The following ZNF451 variants were observed in gnomAD, a reference collection of about 807,000 sequenced individuals.
ZNF451 encodes E3 SUMO-protein ligase ZNF451.
A neutral mutation model predicts 107.1 loss-of-function variants in ZNF451; 80 were observed. The observed-to-expected ratio is 0.75, with a 90% CI of 0.62 to 0.90. The LOEUF (loss-of-function observed/expected upper bound fraction) is 0.90, where lower values mean the gene tolerates loss of function less well. Among genes scored for constraint, ZNF451 ranks in the 40% least tolerant of loss-of-function variants. The pLI, the probability that ZNF451 is intolerant of heterozygous loss-of-function variation, is 0.00. For missense variants in ZNF451, 1,107 were observed against 1,236.2 expected, an observed-to-expected ratio of 0.90 and a Z score of 1.57; for synonymous variants, 362 against 406.5, an observed-to-expected ratio of 0.89 and a Z score of 1.32.
chr6:57,161,998 C>T (rs1255500049), intron 14 of ZNF451, among the ~76,000 whole-genome samples: 1 of 152,184 alleles, frequency 6.6e-6, no homozygotes, highest in Non-Finnish European at 1.5e-5. Context: ...TGTAACCATT[C>T]TTTACTTTGG....
At chr6:57,106,916 T>C (rs904491188) in intron 3 of ZNF451, 4 of 935,156 alleles carry the variant, frequency 4.3e-6, no homozygotes, top group Admixed American at 1.2e-4. Flanking sequence ...TTTCCAGATA[T>C]ATTGAGTTTT....
rs764856186 is a variant in ZNF451 at position 57,147,165 on chromosome 6, A to G, written c.1080A>G (p.Leu360=). ...CCCAGGTTGCAGAGAAATTCATATT[A>G]AGAGGTTATTGTCCAGATTGCAATC... ...SITQVAEKFI[L]RGYCPDCNQV... The change falls in exon 10 of 15, where the codon TTA becomes TTG. Residue 360 remains leucine, a synonymous_variant. Transcript: ENST00000370706. The G allele has an allele frequency of 6.2e-7, 1 of 1,614,090 alleles. No individual in the cohort carries two copies. Among genetic ancestry groups the G allele is most frequent in the Admixed American group, 1.7e-5 (1 of 60,022 alleles).
chr6:57,131,701 T>C (rs1048697389), intron 5 of ZNF451, among the ~76,000 whole-genome samples: 1 of 152,118 alleles, frequency 6.6e-6, no homozygotes, highest in Admixed American at 6.5e-5. Context: ...AAAAATCATA[T>C]TGTCTTAAGG....
In ZNF451 at chr6:57,168,444, T is replaced by A; in HGVS notation, c.3161T>A (p.Ile1054Asn). The A allele has an allele frequency of 6.2e-7, 1 of 1,608,614 alleles. No homozygotes were observed. ...GCAGATGTGGAATTAGAAGAAGCTATTAGAAGAAGTCTTGAGGAAATGTAA... is the reference window on the plus strand; with the variant it reads ...GCAGATGTGGAATTAGAAGAAGCTAATAGAAGAAGTCTTGAGGAAATGTAA... Reference protein sequence around the residue: ...STEDVELEEAIRRSLEEM With the variant: ...STEDVELEEANRRSLEEM The change falls in exon 15 of 15, where the codon ATT (isoleucine) becomes AAT (asparagine). Residue 1054 changes from isoleucine (I) to asparagine (N), a missense_variant. Ile to Asn is a moderately radical substitution (Grantham distance 149). This residue lies in a region of ZNF451 where 151 missense variants were observed against 173.3 expected (regional missense o/e 0.87). Transcript: ENST00000370706.
chr6:57,123,205 T>G (rs917883632), intron 3 of ZNF451, among the ~76,000 whole-genome samples: 3 of 152,100 alleles, frequency 2.0e-5, no homozygotes, highest in Admixed American at 6.5e-5. Flanking sequence ...AAAAGACACA[T>G]GTATGTTCAT....
chr6:57,103,845 T>C, intron 3 of ZNF451: 2 of 985,348 alleles, frequency 2.0e-6, no homozygotes, highest in Non-Finnish European at 2.4e-6. Context: ...TGGAAGCTCA[T>C]TCCTCCTCCC....
chr6:57,106,894 C>CT, intron 3 of ZNF451: 1 of 954,772 alleles, frequency 1.0e-6, no homozygotes, highest in Non-Finnish European at 1.2e-6. Context: ...GAATGCAAAT[C>CT]TTTTTATTAT....
intron 3 of ZNF451, chr6:57,114,862 A>G (rs1830289973): frequency 6.6e-6 from 1 of 152,202 alleles, no homozygotes; most frequent in Non-Finnish European, 1.5e-5. Context: ...AATGTAAAAA[A>G]GAAAAAACCC....
At position 57,169,440 on chromosome 6, in the gene ZNF451, A is replaced by G. The variant is rs1035215254; in HGVS notation, c.*971A>G. ...CATTGTGAGTAATAAAAAATACGAC[A>G]TAAGTAGAAGACTAAGAAGGGCTTG... On this transcript the variant is annotated 3_prime_UTR_variant, in exon 15 of 15. Coordinates refer to ENST00000370706, the MANE Select transcript of ZNF451 (RefSeq NM_001031623.3). 1 of 152,148 alleles carries G rather than the reference A, an allele frequency of 6.6e-6. No homozygotes were observed. The highest frequency in any genetic ancestry group is 2.4e-5 in the African/African-American group (1 of 41,462). The allele number at this position is 152,148 out of a possible 1,614,324, so 9.4% of individuals were successfully genotyped here. A position where few individuals can be genotyped will look rare whatever the true frequency, so the allele number is the denominator to read the frequency against.
chr6:57,102,572 TC>T (rs1273670531), intron 3 of ZNF451: 1 of 987,180 alleles, frequency 1.0e-6, no homozygotes, highest in Non-Finnish European at 1.2e-6. Flanking sequence ...GTTTGACAGA[TC>T]TTCACAAAAT....
chr6:57,138,266 CT>C lies in ZNF451; in HGVS notation c.703-3022del, dbSNP rs574875090. ...GTGTGAAATGGTATTTTGGTTCTGC[CT>C]TTTTTTTTTTTTTAAGACGGAGCCT... On this transcript the variant is annotated intron_variant, in intron 7 of 14. Coordinates refer to ENST00000370706, the MANE Select transcript of ZNF451 (RefSeq NM_001031623.3). 6.8e-3 allele frequency among the ~76,000 whole-genome samples: 943 copies of C among 138,932 alleles called. 5 individuals are homozygous for C. The highest frequency in any genetic ancestry group is 0.015 in the African/African-American group (592 of 38,254). 91.1% of individuals were successfully genotyped at this position (138,932 alleles called of 152,430 possible). A position where few individuals can be genotyped will look rare whatever the true frequency, so the allele number is the denominator to read the frequency against.
At chr6:57,139,438 CAT>C (rs1011517858) in intron 7 of ZNF451, among the ~76,000 whole-genome samples, 34 of 152,122 alleles carry the variant, frequency 2.2e-4, no homozygotes, top group African/African-American at 7.7e-4. Context: ...TGGTTCCTGA[CAT>C]GTGCTCGGTA....
At chr6:57,166,032 C>CTT (rs771699720) in intron 14 of ZNF451, among the ~76,000 whole-genome samples, 1 of 145,710 alleles carries the variant, frequency 6.9e-6, no homozygotes, top group Non-Finnish European at 1.5e-5. Flanking sequence ...GGCTATACTA[C>CTT]TTTTTTTTTT....
intron 3 of ZNF451, chr6:57,109,128 C>G (rs747478684): frequency 2.0e-6 from 2 of 985,284 alleles, no homozygotes; most frequent in Non-Finnish European, 2.4e-6. Context: ...CATCAGGAAC[C>G]CTATCCTCTT....
chr6:57,124,042 T>C (rs1046551983), intron 3 of ZNF451, among the ~76,000 whole-genome samples: 12 of 152,224 alleles, frequency 7.9e-5, no homozygotes, highest in African/African-American at 2.9e-4. Flanking sequence ...TACAATGTTG[T>C]GAGTGGCAAG....
intron 13 of ZNF451, among the ~76,000 whole-genome samples, chr6:57,156,910 A>G (rs1763454981): frequency 1.3e-5 from 2 of 152,196 alleles, no homozygotes; most frequent in South Asian, 4.1e-4. Flanking sequence ...ATGAGAATCT[A>G]ATGCCGCTGC....
chr6:57,140,024 AAAAT>A (rs1450796748), intron 7 of ZNF451, among the ~76,000 whole-genome samples: 11 of 152,294 alleles, frequency 7.2e-5, no homozygotes, highest in South Asian at 4.1e-4. Flanking sequence ...TCGTGTCTCA[AAAAT>A]AAATAAAGAA....
chr6:57,161,185 G>T, intron 14 of ZNF451, 33 bp downstream of exon 14: 1 of 1,262,594 alleles, frequency 7.9e-7, no homozygotes, highest in South Asian at 1.9e-5. Context: ...TTTTCTACTT[G>T]ACTGTATCTG....
intron 13 of ZNF451, chr6:57,159,524 A>ATT: frequency 3.0e-4 from 49 of 161,118 alleles, no homozygotes; most frequent in Non-Finnish European, 5.0e-4. Context: ...ACATTATAAG[A>ATT]GTTTTTTTTT....
Sources: allele counts gnomAD v4.1 joint callset (sites outside exome capture counted in the v4.1 genomes callset), GRCh38; gene constraint gnomAD v4.1.1; regional missense constraint gnomAD v4.1.1; transcripts MANE v1.5; gene names NCBI Gene and HGNC (gene_info 2026-07-23, HGNC 2026-07-21).